RSPO2: variants seen among roughly 807,000 people sequenced by gnomAD.
RSPO2 encodes the protein R-spondin-2.
RSPO2 carries 14 observed loss-of-function variants against 30.9 expected under a neutral mutation model. That is an observed-to-expected ratio of 0.45 (90% CI 0.30 to 0.71). The LOEUF (loss-of-function observed/expected upper bound fraction) is 0.71, where lower values mean the gene tolerates loss of function less well. Ranked by LOEUF, RSPO2 falls within the 30% of genes least tolerant of loss-of-function variation. The probability of loss-of-function intolerance (pLI) is 0.08; values close to 1 mark genes in which losing one functional copy is unlikely to be tolerated. For synonymous variants in RSPO2, 107 were observed against 96.4 expected (o/e 1.11, Z -0.64); for missense variants, 264 against 301.9 (o/e 0.87, Z 0.93).
chr8:108,015,810 T>C (rs1015991247), intron 2 of RSPO2, among the ~76,000 whole-genome samples: 14 of 152,204 alleles, frequency 9.2e-5, no homozygotes, highest in African/African-American at 3.4e-4. Flanking sequence ...TTCCTCCTAT[T>C]GCAATAATTT....
rs552504150 is a variant in RSPO2 at position 108,003,757 on chromosome 8, T to C, written c.95-14513A>G. Among the ~76,000 whole-genome samples, 118 of 152,272 alleles carry C rather than the reference T, an allele frequency of 7.7e-4. 1 individual carries two copies. The highest frequency in any genetic ancestry group is 3.9e-3 in the South Asian group (19 of 4,824). On this transcript the variant is annotated intron_variant, in intron 2 of 5. Coordinates refer to ENST00000276659, the MANE Select transcript of RSPO2 (RefSeq NM_178565.5). ...TCACACTTTTTGAAAGTAATGCTTC[T>C]GATGTATAATTTTCATTTATCAAAG... is the stretch of plus-strand genomic sequence containing the variant.
chr8:107,975,590 A>G (rs1465641530), intron 3 of RSPO2, among the ~76,000 whole-genome samples: 1 of 152,212 alleles, frequency 6.6e-6, no homozygotes, highest in Non-Finnish European at 1.5e-5. Context: ...AAGAGCAACT[A>G]ATATAGTGAG....
At chr8:108,079,207 C>T (rs1813109570) in intron 2 of RSPO2, among the ~76,000 whole-genome samples, 1 of 152,082 alleles carries the variant, frequency 6.6e-6, no homozygotes, top group African/African-American at 2.4e-5. Flanking sequence ...AGTTATTAAT[C>T]AGCTTTTCAA....
chr8:108,063,845 A>T (rs986931843), intron 2 of RSPO2, among the ~76,000 whole-genome samples: 1 of 152,204 alleles, frequency 6.6e-6, no homozygotes, highest in African/African-American at 2.4e-5. Context: ...AGACCAATGG[A>T]ACAGAACAGA....
At chr8:108,043,992 A>G (rs2130662845) in intron 2 of RSPO2, among the ~76,000 whole-genome samples, 1 of 152,252 alleles carries the variant, frequency 6.6e-6, no homozygotes, top group Non-Finnish European at 1.5e-5. Context: ...TAATAGTAAT[A>G]CTAATCACTT....
intron 2 of RSPO2, among the ~76,000 whole-genome samples, chr8:108,015,445 G>A (rs893416471): frequency 6.6e-6 from 1 of 152,094 alleles, no homozygotes; most frequent in African/African-American, 2.4e-5. Flanking sequence ...CTTGAACCAT[G>A]GCAAAGACTC....
chr8:107,976,676 A>G (rs992108904), intron 3 of RSPO2, among the ~76,000 whole-genome samples: 1 of 152,184 alleles, frequency 6.6e-6, no homozygotes, highest in South Asian at 2.1e-4. Context: ...ATTGTTAAAG[A>G]GTAATTTAAG....
intron 2 of RSPO2, chr8:107,997,212 T>C (rs1815058895): frequency 5.1e-6 from 1 of 197,792 alleles, no homozygotes; most frequent in African/African-American, 2.4e-5. Context: ...ATCTACCACA[T>C]GGTCACTACA....
At chr8:108,002,729 C>T (rs1815291854) in intron 2 of RSPO2, among the ~76,000 whole-genome samples, 2 of 152,148 alleles carry the variant, frequency 1.3e-5, no homozygotes, top group Admixed American at 1.3e-4. Flanking sequence ...CATAACTAAC[C>T]AGATCAAAGA....
chr8:107,922,275 T>C (rs1389839459), intron 5 of RSPO2, among the ~76,000 whole-genome samples: 1 of 152,120 alleles, frequency 6.6e-6, no homozygotes, highest in African/African-American at 2.4e-5. Context: ...AAAATCAATG[T>C]ACAAAAGTCA....
chr8:107,990,462 C>T (rs1814809595), intron 2 of RSPO2, among the ~76,000 whole-genome samples: 1 of 152,000 alleles, frequency 6.6e-6, no homozygotes, highest in Non-Finnish European at 1.5e-5. Flanking sequence ...ACAATTGCTG[C>T]AAAAATAATA....
At position 107,958,175 on chromosome 8, in the gene RSPO2, C is replaced by T. The variant is rs369770616; in HGVS notation, c.521G>A (p.Arg174Gln). Reference protein sequence around the residue: ...GFKWGLETRTRQIVKKPVKDT... With the variant: ...GFKWGLETRTQQIVKKPVKDT... ...TTTCACTGGCTTTTTAACAATTTGC[C>T]GTGTTCTGGTTTCCAGACCCCATTT... The change falls in exon 5 of 6, where the codon CGG (arginine) becomes CAG (glutamine). Residue 174 changes from arginine (R) to glutamine (Q), a missense_variant. Arg to Gln is a conservative substitution (Grantham distance 43). Coordinates refer to ENST00000276659, the MANE Select transcript of RSPO2 (RefSeq NM_178565.5). 20 of 1,613,610 alleles carry T rather than the reference C, an allele frequency of 1.2e-5. No homozygotes were observed. The highest frequency in any genetic ancestry group is 1.6e-4 in the Middle Eastern group (1 of 6,082).
At chr8:108,006,778 C>CT (rs1815467221) in intron 2 of RSPO2, among the ~76,000 whole-genome samples, 2 of 152,098 alleles carry the variant, frequency 1.3e-5, no homozygotes, top group South Asian at 4.1e-4. Context: ...CATATCAAAA[C>CT]TATCATTATT....
intron 2 of RSPO2, among the ~76,000 whole-genome samples, chr8:108,005,713 G>A (rs1021369138): frequency 2.0e-5 from 3 of 152,162 alleles, no homozygotes; most frequent in African/African-American, 7.2e-5. Context: ...GTGCTTTGGG[G>A]TAGAGAAGGA....
At chr8:107,990,328 C>T (rs1029981833) in intron 2 of RSPO2, among the ~76,000 whole-genome samples, 11 of 152,146 alleles carry the variant, frequency 7.2e-5, no homozygotes, top group African/African-American at 2.7e-4. Context: ...ATAAAACACA[C>T]CTTAAAATGA....
At chr8:108,001,560 T>C (rs1376684249) in intron 2 of RSPO2, among the ~76,000 whole-genome samples, 1 of 152,204 alleles carries the variant, frequency 6.6e-6, no homozygotes, top group Non-Finnish European at 1.5e-5. Context: ...TGGGAAAATA[T>C]GCTACCAGAA....
At chr8:107,950,769 AAT>A (rs1002404038) in intron 5 of RSPO2, among the ~76,000 whole-genome samples, 29 of 145,668 alleles carry the variant, frequency 2.0e-4, no homozygotes, top group East Asian at 4.0e-4. Context: ...AAAAAAAAAA[AAT>A]TTGACACCTC....
chr8:108,077,642 A>G (rs1470563420), intron 2 of RSPO2, among the ~76,000 whole-genome samples: 1 of 152,194 alleles, frequency 6.6e-6, no homozygotes, highest in African/African-American at 2.4e-5. Flanking sequence ...ACACCCATGT[A>G]TACACGTATG....
At chr8:108,027,266 A>G (rs1022643767) in intron 2 of RSPO2, among the ~76,000 whole-genome samples, 4 of 152,240 alleles carry the variant, frequency 2.6e-5, no homozygotes, top group Non-Finnish European at 4.4e-5. Flanking sequence ...GATTTATCCA[A>G]CTGATTAACT....
Sources: allele counts gnomAD v4.1 joint callset (sites outside exome capture counted in the v4.1 genomes callset), GRCh38; gene constraint gnomAD v4.1.1; transcripts MANE v1.5; gene names NCBI Gene and HGNC (gene_info 2026-07-23, HGNC 2026-07-21).